Variants in SP2 observed in about 807,000 individuals in gnomAD.
The protein encoded by SP2 is Sp2 transcription factor.
Under a neutral mutation model 50.1 loss-of-function variants are expected in SP2, and 9 were observed. The observed-to-expected ratio is 0.18, with a 90% CI of 0.11 to 0.31. The LOEUF (loss-of-function observed/expected upper bound fraction) is 0.31, where lower values mean the gene tolerates loss of function less well. Ranked by LOEUF, SP2 falls within the 10% of genes least tolerant of loss-of-function variation. SP2 has a pLI of 1.00. For missense variants in SP2, 581 were observed against 806.5 expected (o/e 0.72, Z 3.39); for synonymous variants, 313 against 326.6 (o/e 0.96, Z 0.45).
intron 1 of SP2, among the ~76,000 whole-genome samples, chr17:47,903,690 G>A (rs931603674): frequency 2.6e-5 from 4 of 151,854 alleles, no homozygotes; most frequent in South Asian, 2.1e-4. Context: ...TGGCCGGCGC[G>A]GTGGCTCACG....
chr17:47,917,710 G>A (rs532904761), intron 3 of SP2: 4 of 399,042 alleles, frequency 1.0e-5, no homozygotes, highest in South Asian at 5.4e-5. Context: ...AATCTCCTGG[G>A]CTCAAGCAAT....
intron 1 of SP2, 89 bp from the exon 2 acceptor site, chr17:47,915,223 A>G (rs1421228092): frequency 2.0e-6 from 2 of 992,134 alleles, no homozygotes; most frequent in Non-Finnish European, 1.5e-6. Context: ...TCAAAAAAAA[A>G]AAAATAGAAA....
rs191222783 is a variant in SP2, at chr17:47,914,252, T to C, written c.8-1060T>C. Among the ~76,000 whole-genome samples the C allele has an allele frequency of 1.2e-4, 18 of 152,000 alleles. No homozygotes were observed. The East Asian group carries it at 3.3e-3, about 28-fold the overall frequency. ...TGGGCATGGTGGTACATGCCTGTAA[T>C]CCTAGCTACTCAGGAGGCTGAGACA... is the stretch of plus-strand genomic sequence containing the variant. On this transcript the variant is annotated intron_variant, in intron 1 of 6. Transcript: ENST00000376741.
intron 1 of SP2, among the ~76,000 whole-genome samples, chr17:47,913,422 C>T (rs1175158304): frequency 1.3e-5 from 2 of 152,114 alleles, no homozygotes; most frequent in African/African-American, 4.8e-5. Flanking sequence ...TATTTCTGTA[C>T]TTACTGAAAT....
At chr17:47,899,705 C>T (rs756226153) in intron 1 of SP2, 1 of 152,270 alleles carries the variant, frequency 6.6e-6, no homozygotes, top group East Asian at 1.9e-4. Flanking sequence ...ATGGCTTCCA[C>T]TGCGTGTCTA....
At chr17:47,925,214 C>A in intron 5 of SP2, 121 bp downstream of exon 5, 4 of 1,418,356 alleles carry the variant, frequency 2.8e-6, no homozygotes, top group Non-Finnish European at 3.8e-6. Context: ...CAGCTCTGTG[C>A]CACCTTGCCC....
downstream of SP2, among the ~76,000 whole-genome samples, chr17:47,930,320 C>T (rs2035793913): frequency 6.6e-6 from 1 of 152,206 alleles, no homozygotes; most frequent in Non-Finnish European, 1.5e-5. Flanking sequence ...TGGCTTTGCT[C>T]TCAGGCACAA....
At chr17:47,901,557 A>G (rs1231133166) in intron 1 of SP2, among the ~76,000 whole-genome samples, 1 of 152,216 alleles carries the variant, frequency 6.6e-6, no homozygotes, top group African/African-American at 2.4e-5. Context: ...AATGGAGAGA[A>G]GCATTAATAA....
At chr17:47,918,200 A>G (rs2035292499) in intron 3 of SP2, among the ~76,000 whole-genome samples, 4 of 152,118 alleles carry the variant, frequency 2.6e-5, no homozygotes, top group Admixed American at 2.6e-4. Context: ...CGAATGACTG[A>G]GAGTGGGAAG....
chr17:47,908,023 C>T (rs138664452), intron 1 of SP2, among the ~76,000 whole-genome samples: 326 of 152,194 alleles, frequency 2.1e-3, no homozygotes, highest in African/African-American at 7.4e-3. Flanking sequence ...CAGCCTGTGG[C>T]CATAAAGCTC....
Position 47,896,254 on chromosome 17 carries a change from G to A in SP2, c.-33G>A. The A allele has an allele frequency of 1.6e-6, 2 of 1,239,462 alleles. No individual in the cohort carries two copies. Among genetic ancestry groups the A allele is most frequent in the Non-Finnish European group, 2.0e-6 (2 of 988,872 alleles). 76.8% of individuals were successfully genotyped at this position (1,239,462 alleles called of 1,614,324 possible). A position where few individuals can be genotyped will look rare whatever the true frequency, so the allele number is the denominator to read the frequency against. On this transcript the variant is annotated 5_prime_UTR_variant, in exon 1 of 7. Transcript: ENST00000376741. ...CGGTGTCAGGCTCTCGGTGGCGGCG[G>A]AGGCGGCGGAGGCCAGGGAGGAAGA...
intron 1 of SP2, among the ~76,000 whole-genome samples, chr17:47,903,527 C>T (rs145424557): frequency 0.029 from 4,389 of 151,830 alleles, 202 homozygotes; most frequent in African/African-American, 0.1. Context: ...ATTAGCCGGG[C>T]GTGGTGTCAG....
chr17:47,911,217 C>T (rs2034970006), intron 1 of SP2, among the ~76,000 whole-genome samples: 3 of 151,998 alleles, frequency 2.0e-5, no homozygotes, highest in South Asian at 4.1e-4. Context: ...TAGAGCAAGA[C>T]CTTGTTTCTA....
chr17:47,910,848 G>T (rs2034952606), intron 1 of SP2, among the ~76,000 whole-genome samples: 1 of 152,186 alleles, frequency 6.6e-6, no homozygotes, highest in African/African-American at 2.4e-5. Flanking sequence ...CAGTGCACTT[G>T]TAAACACACA....
intron 2 of SP2, 145 bp downstream of exon 2, chr17:47,915,533 G>T (rs1028153774): frequency 3.9e-6 from 2 of 518,386 alleles, no homozygotes; most frequent in Non-Finnish European, 3.3e-6. Flanking sequence ...TCTTTACTGA[G>T]AAACTATGGC....
chr17:47,901,469 G>T (rs548977225), intron 1 of SP2, among the ~76,000 whole-genome samples: 37 of 143,492 alleles, frequency 2.6e-4, no homozygotes, highest in Admixed American at 1.8e-3. Flanking sequence ...TTTTGTTTTG[G>T]TTTTTTTTGA....
intron 3 of SP2, among the ~76,000 whole-genome samples, chr17:47,922,519 A>G (rs972630089): frequency 1.3e-5 from 2 of 148,368 alleles, no homozygotes; most frequent in Admixed American, 1.3e-4. Flanking sequence ...AACAAAGACC[A>G]GAAACTTTTT....
In SP2 at chr17:47,916,262, C is replaced by T. The variant is rs754352270; in HGVS notation, c.191C>T (p.Pro64Leu). ...VTPPAPPQPT[P>L]RKLVPIKPAP... ...CCTCCTGCTCCCCCACAGCCCACAC[C>T]GCGGAAACTTGTCCCTATCAAACCT... Residue 64 changes from proline (P) to leucine (L), a missense_variant, in exon 3 of 7, where the codon CCG becomes CTG. This residue lies in a region of SP2 where 397 missense variants were observed against 491.0 expected (regional missense o/e 0.81). Coordinates refer to ENST00000376741, the MANE Select transcript of SP2 (RefSeq NM_003110.6). The surrounding 1 kb of genome is among the most constrained non-coding windows in gnomAD (Gnocchi z 4.7). 124 of 1,614,014 alleles carry T rather than the reference C, an allele frequency of 7.7e-5. No individual in the cohort carries two copies. The highest frequency in any genetic ancestry group is 1.0e-4 in the Non-Finnish European group (120 of 1,180,040).
intron 1 of SP2, among the ~76,000 whole-genome samples, chr17:47,905,939 A>G (rs2034743213): frequency 6.6e-6 from 1 of 152,088 alleles, no homozygotes; most frequent in Non-Finnish European, 1.5e-5. Flanking sequence ...TGAAAAACTG[A>G]AGTGTGTGTT....
Sources: allele counts gnomAD v4.1 joint callset (sites outside exome capture counted in the v4.1 genomes callset), GRCh38; gene constraint gnomAD v4.1.1; regional missense constraint gnomAD v4.1.1; non-coding constraint Gnocchi (gnomAD v3.1); transcripts MANE v1.5; gene names NCBI Gene and HGNC (gene_info 2026-07-23, HGNC 2026-07-21).